Variants in SDCCAG8 observed in about 807,000 individuals in gnomAD.
SDCCAG8 encodes the protein serologically defined colon cancer antigen 8.
In SDCCAG8, 74 loss-of-function variants were observed where a neutral mutation model predicts 101.8. That is an observed-to-expected ratio of 0.73 (90% CI 0.60 to 0.88). The LOEUF is 0.88. Among genes scored for constraint, SDCCAG8 ranks in the 40% least tolerant of loss-of-function variants. The pLI, the probability that SDCCAG8 is intolerant of heterozygous loss-of-function variation, is 0.00. For synonymous variants in SDCCAG8, 281 were observed against 292.9 expected (o/e 0.96, Z 0.41); for missense variants, 787 against 822.6 (o/e 0.96, Z 0.53).
At chr1:243,337,997 C>T (rs1299593492) in intron 10 of SDCCAG8, among the ~76,000 whole-genome samples, 3 of 152,040 alleles carry the variant, frequency 2.0e-5, no homozygotes, top group Non-Finnish European at 1.5e-5. Context: ...CATAGCTCAT[C>T]GTATCCTCAA....
At chr1:243,335,886 C>T (rs2149355833) in intron 10 of SDCCAG8, among the ~76,000 whole-genome samples, 1 of 152,264 alleles carries the variant, frequency 6.6e-6, no homozygotes, top group Non-Finnish European at 1.5e-5. Flanking sequence ...TGAGAACATG[C>T]AGTATTGGAT....
intron 12 of SDCCAG8, among the ~76,000 whole-genome samples, chr1:243,360,918 G>A (rs887741497): frequency 1.3e-5 from 2 of 152,164 alleles, no homozygotes; most frequent in African/African-American, 4.8e-5. Context: ...TACCTCAGTA[G>A]CAGTCAAAGG....
intron 16 of SDCCAG8, among the ~76,000 whole-genome samples, chr1:243,452,157 A>G (rs1358000788): frequency 6.6e-6 from 1 of 152,180 alleles, no homozygotes; most frequent in South Asian, 2.1e-4. Context: ...CACACCAGAA[A>G]GGAATATAGT....
At chr1:243,492,677 G>C (rs2148289288) in intron 17 of SDCCAG8, among the ~76,000 whole-genome samples, 1 of 125,514 alleles carries the variant, frequency 8.0e-6, no homozygotes. Context: ...GCATGGTCTT[G>C]GCCTACTGCA....
chr1:243,272,931 A>T (rs1052220228), intron 3 of SDCCAG8, among the ~76,000 whole-genome samples: 6 of 152,242 alleles, frequency 3.9e-5, no homozygotes, highest in African/African-American at 7.2e-5. Flanking sequence ...AAATGTAGAT[A>T]TCTAAACTAA....
rs942509838 is a variant in SDCCAG8 at position 243,474,296 on chromosome 1, C to T, written c.1986-14718C>T. Among the ~76,000 whole-genome samples the T allele has an allele frequency of 1.3e-5, 2 of 152,204 alleles. No homozygotes were observed. The highest frequency in any genetic ancestry group is 1.3e-4 in the Admixed American group (2 of 15,272). On this transcript the variant is annotated intron_variant, in intron 16 of 17. Coordinates refer to ENST00000366541, the MANE Select transcript of SDCCAG8 (RefSeq NM_006642.5). This position sits in a 1 kb window ranked among gnomAD's most constrained non-coding sequence, Gnocchi z 4.7. ...CCCATCTCCTCCTCTCAACCGTCAT[C>T]CCGGTTTAATCCTCTCCTTCTGCCA... is the stretch of plus-strand genomic sequence containing the variant.
chr1:243,492,681 T>C (rs1162833301), intron 17 of SDCCAG8, among the ~76,000 whole-genome samples: 2 of 133,724 alleles, frequency 1.5e-5, no homozygotes, highest in Admixed American at 8.1e-5. Flanking sequence ...GGTCTTGGCC[T>C]ACTGCAACCT....
chr1:243,472,028 G>T (rs1322632033), intron 16 of SDCCAG8, among the ~76,000 whole-genome samples: 1 of 152,226 alleles, frequency 6.6e-6, no homozygotes, highest in Non-Finnish European at 1.5e-5. Context: ...GAAGCAGTGA[G>T]ACCTCACAAC....
chr1:243,413,411 G>A (rs552818800), intron 13 of SDCCAG8, among the ~76,000 whole-genome samples: 5 of 152,220 alleles, frequency 3.3e-5, no homozygotes, highest in Admixed American at 6.5e-5. Context: ...TTGCCTTGTT[G>A]GCCATGCTGA....
chr1:243,408,516 GATT>G (rs2079946675), intron 13 of SDCCAG8, among the ~76,000 whole-genome samples: 1 of 152,162 alleles, frequency 6.6e-6, no homozygotes, highest in African/African-American at 2.4e-5. Flanking sequence ...ACTAGCTTGG[GATT>G]TGGCTGTCAA....
intron 13 of SDCCAG8, among the ~76,000 whole-genome samples, chr1:243,385,870 G>T (rs1194017596): frequency 6.6e-6 from 1 of 152,172 alleles, no homozygotes; most frequent in African/African-American, 2.4e-5. Flanking sequence ...TCGGGAGGCC[G>T]AGGCTCAAGA....
chr1:243,410,008 G>C (rs2080060800), intron 13 of SDCCAG8, among the ~76,000 whole-genome samples: 1 of 152,138 alleles, frequency 6.6e-6, no homozygotes, highest in African/African-American at 2.4e-5. Flanking sequence ...GCCATTAAAA[G>C]TAATTACTTT....
At chr1:243,294,482 G>GGGGGA (rs1259035129) in intron 6 of SDCCAG8, among the ~76,000 whole-genome samples, 1 of 99,954 alleles carries the variant, frequency 1.0e-5, no homozygotes, top group African/African-American at 4.5e-5. Context: ...GTGGGGGGGG[G>GGGGGA]GAGAGAGAGA....
In SDCCAG8 at chr1:243,367,915, C is replaced by A. The variant is rs868495977; in HGVS notation, c.1474-10806C>A. On this transcript the variant is annotated intron_variant, in intron 12 of 17. Coordinates refer to ENST00000366541, the MANE Select transcript of SDCCAG8 (RefSeq NM_006642.5). ...AGTACATGGCTGACATAATTTCCTT[C>A]TAGAAAATAAGAACCTGGCTAGACA... 3.3e-5 allele frequency among the ~76,000 whole-genome samples: 5 copies of A among 151,716 alleles called. No individual in the cohort carries two copies. In the Middle Eastern group the frequency reaches 0.01, roughly 310 times the overall value.
chr1:243,271,397 G>A (rs1405606470), intron 3 of SDCCAG8, among the ~76,000 whole-genome samples: 2 of 149,466 alleles, frequency 1.3e-5, no homozygotes, highest in African/African-American at 4.9e-5. Context: ...ATATGTAAAA[G>A]ATAAAGTCAT....
chr1:243,319,653 G>A (rs1179142324), intron 9 of SDCCAG8, among the ~76,000 whole-genome samples: 1 of 152,088 alleles, frequency 6.6e-6, no homozygotes, highest in Non-Finnish European at 1.5e-5. Context: ...GATTACAGGC[G>A]TGAGCCACCG....
intron 13 of SDCCAG8, among the ~76,000 whole-genome samples, chr1:243,408,262 G>A (rs767128471): frequency 3.3e-5 from 5 of 152,060 alleles, no homozygotes; most frequent in East Asian, 1.9e-4. Flanking sequence ...CCAGATTTTC[G>A]GGATAAATTA....
chr1:243,339,366 GGTTCCA>G (rs1475622150), intron 10 of SDCCAG8, among the ~76,000 whole-genome samples: 1 of 152,110 alleles, frequency 6.6e-6, no homozygotes, highest in Non-Finnish European at 1.5e-5. Context: ...CCTGTCATAT[GGTTCCA>G]GAAAAGCTAT....
At chr1:243,443,542 G>A (rs1165988880) in intron 16 of SDCCAG8, among the ~76,000 whole-genome samples, 1 of 152,188 alleles carries the variant, frequency 6.6e-6, no homozygotes, top group Admixed American at 6.5e-5. Context: ...AGGTAACCTC[G>A]CAAGGCAGCT....
Sources: gnomAD v4.1 joint callset for allele counts (sites outside exome capture counted in the v4.1 genomes callset) on GRCh38, gnomAD v4.1.1 for gene constraint, Gnocchi (gnomAD v3.1) non-coding constraint, MANE v1.5 for transcripts, NCBI Gene and HGNC (gene_info 2026-07-23, HGNC 2026-07-21) for gene names.